The following BRDT variants were observed in gnomAD, a reference collection of about 807,000 sequenced individuals.
BRDT encodes bromodomain testis-specific protein.
BRDT carries 77 observed loss-of-function variants against 113.9 expected under a neutral mutation model. That is an observed-to-expected ratio of 0.68 (90% CI 0.56 to 0.82). The LOEUF (loss-of-function observed/expected upper bound fraction) is 0.82, where lower values mean the gene tolerates loss of function less well. BRDT is among the 40% of genes least tolerant of loss of function. The pLI is 0.00. For missense variants in BRDT, 1,027 were observed against 1,105.4 expected (o/e 0.93, Z 1.01); for synonymous variants, 358 against 366.5 (o/e 0.98, Z 0.26).
chr1:91,994,032 T>C (rs1241594570), intron 14 of BRDT, 51 bp from the exon 15 acceptor site: 1 of 1,431,476 alleles, frequency 7.0e-7, no homozygotes, highest in Non-Finnish European at 9.4e-7. Context: ...CTCTTTGGTA[T>C]ACTTCTTGTA....
At position 91,976,433 on chromosome 1, in the gene BRDT, G is replaced by T; in HGVS notation, c.613G>T (p.Ala205Ser). The T allele has an allele frequency of 6.5e-7, 1 of 1,541,186 alleles. No homozygotes were observed. Among genetic ancestry groups the T allele is most frequent in the African/African-American group, 1.4e-5 (1 of 70,704 alleles). The change falls in exon 5 of 19, where the codon GCC (alanine) becomes TCC (serine). Residue 205 changes from alanine to serine, a missense_variant. Transcript: ENST00000399546. ...ASVNSSSQTA[A>S]QVTKGVKRKA... ...AGTCAACTCCAGTTCACAAACTGCG[G>T]CCCAAGTAAGTTTGTTGTAGTTTTT...
intron 18 of BRDT, among the ~76,000 whole-genome samples, chr1:92,006,240 T>C (rs974535527): frequency 2.0e-5 from 3 of 152,190 alleles, no homozygotes; most frequent in Admixed American, 1.3e-4. Context: ...AGTTGGTTTA[T>C]CTTCTTGTTC....
At position 92,004,613 on chromosome 1, in the gene BRDT, A is replaced by G. The variant is rs746615613; in HGVS notation, c.2588A>G (p.Asn863Ser). ...NTKELKASQE[N>S]QRDLGNGLTV... ...AAGGAACTAAAAGCATCTCAAGAAA[A>G]TCAGAGGTCTGTAATTTACTGGATT... The change falls in exon 17 of 19, where the codon AAT becomes AGT. Residue 863 changes from asparagine to serine, a missense_variant. By Grantham distance (46) the Asn-to-Ser change is conservative. Coordinates refer to ENST00000399546, the MANE Select transcript of BRDT (RefSeq NM_207189.4). 2.1e-5 allele frequency: 33 copies of G among 1,601,696 alleles called. No homozygotes were observed. The highest frequency in any genetic ancestry group is 2.7e-5 in the Non-Finnish European group (32 of 1,176,732).
At chr1:91,966,668 A>G (rs1345846688) in intron 3 of BRDT, among the ~76,000 whole-genome samples, 1 of 152,250 alleles carries the variant, frequency 6.6e-6, no homozygotes, top group Non-Finnish European at 1.5e-5. Context: ...TTAGAAATAA[A>G]TGTTCTCTTT....
At chr1:91,962,987 A>G in intron 2 of BRDT, 41 bp downstream of exon 2, 1 of 1,425,826 alleles carries the variant, frequency 7.0e-7, no homozygotes, top group South Asian at 1.5e-5. Context: ...AAAAAAGAAA[A>G]CTCCTGTAAA....
chr1:91,957,933 A>G (rs1369735237), intron 1 of BRDT, among the ~76,000 whole-genome samples: 1 of 151,948 alleles, frequency 6.6e-6, no homozygotes, highest in Non-Finnish European at 1.5e-5. Context: ...TTCACCTCCC[A>G]GATTAAAGCA....
At chr1:91,997,179 G>T (rs1686426098) in intron 15 of BRDT, among the ~76,000 whole-genome samples, 1 of 152,124 alleles carries the variant, frequency 6.6e-6, no homozygotes, top group African/African-American at 2.4e-5. Context: ...GTAGGATGAG[G>T]AATGGAGAGA....
chr1:91,979,072 A>AATG (rs1237214072), intron 7 of BRDT, among the ~76,000 whole-genome samples: 1 of 151,512 alleles, frequency 6.6e-6, no homozygotes, highest in East Asian at 1.9e-4. Context: ...GCCTGAAAAA[A>AATG]ATGGAGAAAA....
intron 4 of BRDT, 53 bp downstream of exon 4, chr1:91,968,313 A>G: frequency 6.3e-7 from 1 of 1,586,706 alleles, no homozygotes; most frequent in Non-Finnish European, 8.6e-7. Context: ...TCCCCTATCT[A>G]TCTCATGTGT....
In BRDT at chr1:91,962,227, TATTTGTATATAAAAA is replaced by T. The variant is rs543890644; in HGVS notation, c.-37-482_-37-468del. On this transcript the variant is annotated intron_variant, in intron 1 of 18. Transcript: ENST00000399546. ...AAGGCATATATAGTGAAACTTTTACTATTTGTATATAAAAAATTTGTATTTGTTTAAAAATTGATT... is the reference window on the plus strand; with the variant it reads ...AAGGCATATATAGTGAAACTTTTACTATTTGTATTTGTTTAAAAATTGATT... 4.1e-3 allele frequency among the ~76,000 whole-genome samples: 600 copies of T among 145,528 alleles called. 13 individuals are homozygous for T. The highest frequency in any genetic ancestry group is 0.015 in the African/African-American group (578 of 39,580).
intron 1 of BRDT, among the ~76,000 whole-genome samples, chr1:91,954,420 C>A (rs1347488806): frequency 6.6e-6 from 1 of 151,724 alleles, no homozygotes; most frequent in Non-Finnish European, 1.5e-5. Context: ...GCTGGGACTA[C>A]AGGTGTGCTC....
intron 18 of BRDT, among the ~76,000 whole-genome samples, chr1:92,011,226 T>C (rs1687772233): frequency 6.6e-6 from 1 of 152,178 alleles, no homozygotes; most frequent in African/African-American, 2.4e-5. Context: ...TATGGTGAAG[T>C]TTACTTTAGA....
At chr1:91,992,011 A>G (rs1021720181) in intron 13 of BRDT, among the ~76,000 whole-genome samples, 16 of 150,012 alleles carry the variant, frequency 1.1e-4, no homozygotes, top group Non-Finnish European at 1.8e-4. Flanking sequence ...AAAAAAAAAA[A>G]AAAAAAAGAA....
chr1:91,995,453 G>A (rs1686223109), intron 15 of BRDT, among the ~76,000 whole-genome samples: 1 of 78,720 alleles, frequency 1.3e-5, no homozygotes, highest in Admixed American at 1.3e-4. Flanking sequence ...GTGTGTGTGT[G>A]TGTGTTGTTT....
At chr1:91,955,834 A>T (rs1482867464) in intron 1 of BRDT, among the ~76,000 whole-genome samples, 1 of 152,226 alleles carries the variant, frequency 6.6e-6, no homozygotes, top group Non-Finnish European at 1.5e-5. Context: ...CAGATTATCA[A>T]ATATTAGCTA....
chr1:91,981,144 G>A lies in BRDT; in HGVS notation c.1716G>A (p.Ser572=), dbSNP rs745864820. Residue 572 remains serine (S), a synonymous_variant, in exon 10 of 19, where the codon TCG becomes TCA. Coordinates refer to ENST00000399546, the MANE Select transcript of BRDT (RefSeq NM_207189.4). ...STLRELEKYV[S]ACLRKRPLKP... is the part of the protein sequence containing the mutation. ...TAAGAGAATTAGAAAAATATGTTTC[G>A]GCATGTCTAAGAAAGAGACCATTAA... 16 of 1,612,348 alleles carry A rather than the reference G, an allele frequency of 9.9e-6. No homozygotes were observed. Among genetic ancestry groups the A allele is most frequent in the African/African-American group, 4.0e-5 (3 of 74,686 alleles).
At chr1:91,979,209 G>A (rs528946578) in intron 7 of BRDT, among the ~76,000 whole-genome samples, 1 of 151,192 alleles carries the variant, frequency 6.6e-6, no homozygotes, top group Non-Finnish European at 1.5e-5. Context: ...CGCCTCCCGG[G>A]TTCAAGCGAT....
At position 91,991,147 on chromosome 1, in the gene BRDT, A is replaced by G. The variant is rs767536921; in HGVS notation, c.2003-37A>G. 3.6e-5 allele frequency: 46 copies of G among 1,274,516 alleles called. No individual in the cohort carries two copies. In the South Asian group the frequency reaches 6.1e-4, roughly 17 times the overall value. The allele number at this position is 1,274,516 out of a possible 1,614,324, so 79.0% of individuals were successfully genotyped here. Reference sequence around the variant, plus strand: ...ATTATAACTTGGTATTTTTTAAGCTAATAAATATTAAAATATTTATGTGTA... The same window carrying G: ...ATTATAACTTGGTATTTTTTAAGCTGATAAATATTAAAATATTTATGTGTA... On this transcript the variant is annotated intron_variant, in intron 12 of 18. Coordinates refer to ENST00000399546, the MANE Select transcript of BRDT (RefSeq NM_207189.4).
intron 5 of BRDT, 45 bp from the exon 6 acceptor site, chr1:91,976,998 A>C (rs757539477): frequency 7.0e-7 from 1 of 1,433,680 alleles, no homozygotes; most frequent in South Asian, 1.4e-5. Flanking sequence ...TATGCTCTGA[A>C]TATCATCTCA....
Sources: allele counts gnomAD v4.1 joint callset (sites outside exome capture counted in the v4.1 genomes callset), GRCh38; gene constraint gnomAD v4.1.1; transcripts MANE v1.5; gene names NCBI Gene and HGNC (gene_info 2026-07-23, HGNC 2026-07-21).